The following SLC4A4 variants were observed in gnomAD, a reference collection of about 807,000 sequenced individuals.
SLC4A4 encodes electrogenic sodium bicarbonate cotransporter 1.
In SLC4A4, 27 loss-of-function variants were observed where a neutral mutation model predicts 111.5. That is an observed-to-expected ratio of 0.24 (90% CI 0.18 to 0.33). The LOEUF (loss-of-function observed/expected upper bound fraction) is 0.33. Among genes scored for constraint, SLC4A4 ranks in the 10% least tolerant of loss-of-function variants. SLC4A4 has a pLI of 1.00. For synonymous variants in SLC4A4, 443 were observed against 463.4 expected (o/e 0.96, Z 0.57); for missense variants, 909 against 1,315.5 (o/e 0.69, Z 4.78).
At chr4:71,388,764 T>A (rs866013516) in intron 6 of SLC4A4, among the ~76,000 whole-genome samples, 40 of 152,222 alleles carry the variant, frequency 2.6e-4, no homozygotes, top group Admixed American at 2.2e-3. Context: ...TTGCTCAGGG[T>A]GGTCTTGAAC....
intron 14 of SLC4A4, among the ~76,000 whole-genome samples, chr4:71,478,050 A>C (rs545069659): frequency 6.6e-6 from 1 of 152,044 alleles, no homozygotes; most frequent in Non-Finnish European, 1.5e-5. Context: ...AATGCAAATC[A>C]AAACCACAAT....
intron 3 of SLC4A4, among the ~76,000 whole-genome samples, chr4:71,272,725 G>C (rs778722999): frequency 1.1e-4 from 17 of 152,106 alleles, no homozygotes; most frequent in Non-Finnish European, 2.2e-4. Context: ...ACTTTGACAT[G>C]AAAAGTGTTC....
chr4:71,176,674 C>G (rs1745104847), intron 2 of SLC4A4, among the ~76,000 whole-genome samples: 2 of 152,138 alleles, frequency 1.3e-5, no homozygotes, highest in South Asian at 4.1e-4. Context: ...AAATATGGGA[C>G]TATGTGAAAA....
intron 2 of SLC4A4, among the ~76,000 whole-genome samples, chr4:71,125,083 C>CTAGCATA (rs1743525687): frequency 6.6e-6 from 1 of 152,004 alleles, no homozygotes; most frequent in Admixed American, 6.6e-5. Flanking sequence ...GGATTAGCTT[C>CTAGCATA]TAGCATATTG....
chr4:71,375,127 G>A (rs1458778377), intron 6 of SLC4A4, among the ~76,000 whole-genome samples: 1 of 152,088 alleles, frequency 6.6e-6, no homozygotes, highest in African/African-American at 2.4e-5. Context: ...TGATCCAGTA[G>A]CTTGTTTTCT....
At chr4:71,240,550 C>T (rs569215407) in intron 2 of SLC4A4, among the ~76,000 whole-genome samples, 2 of 152,180 alleles carry the variant, frequency 1.3e-5, no homozygotes, top group East Asian at 3.9e-4. Context: ...AAGTATGCAC[C>T]CATCTGTCCC....
At chr4:71,327,260 C>T (rs1727574669) in intron 3 of SLC4A4, among the ~76,000 whole-genome samples, 1 of 152,076 alleles carries the variant, frequency 6.6e-6, no homozygotes, top group Non-Finnish European at 1.5e-5. Flanking sequence ...CTGACTATTT[C>T]ATATGCCACT....
chr4:71,298,277 A>G (rs982874537), intron 3 of SLC4A4, among the ~76,000 whole-genome samples: 2 of 152,222 alleles, frequency 1.3e-5, no homozygotes, highest in Admixed American at 6.5e-5. Context: ...GTATATTTAT[A>G]TAAGGGTTAC....
At chr4:71,345,537 A>G (rs1729251986) in intron 4 of SLC4A4, among the ~76,000 whole-genome samples, 1 of 152,114 alleles carries the variant, frequency 6.6e-6, no homozygotes, top group African/African-American at 2.4e-5. Context: ...CAAGCCAACA[A>G]AGGAAAGGGG....
At position 71,481,318 on chromosome 4, in the gene SLC4A4, G is replaced by A. The variant is rs35937459; in HGVS notation, c.1904-5630G>A. On this transcript the variant is annotated intron_variant, in intron 14 of 25. Coordinates refer to ENST00000264485, the MANE Select transcript of SLC4A4 (RefSeq NM_001098484.3). ...CTTACACTTGACCTCACAGTCTCAC[G>A]TGAGTTTGTAGCTGTTCCTGATGGT... Among the ~76,000 whole-genome samples the A allele has an allele frequency of 1.6e-4, 24 of 151,792 alleles. No individual in the cohort carries two copies. The South Asian group carries it at 4.1e-3, about 26-fold the overall frequency.
intron 7 of SLC4A4, among the ~76,000 whole-genome samples, chr4:71,428,868 G>A (rs930012014): frequency 6.6e-6 from 1 of 151,984 alleles, no homozygotes; most frequent in Non-Finnish European, 1.5e-5. Flanking sequence ...AAAAGAACGA[G>A]AAAGTATACT....
At chr4:71,467,398 T>C (rs1727471497) in intron 13 of SLC4A4, among the ~76,000 whole-genome samples, 1 of 152,130 alleles carries the variant, frequency 6.6e-6, no homozygotes, top group South Asian at 2.1e-4. Context: ...CTAACATTTA[T>C]TGAGAGTTGA....
At chr4:71,216,975 C>G (rs1301063679) in intron 1 of SLC4A4, among the ~76,000 whole-genome samples, 1 of 152,230 alleles carries the variant, frequency 6.6e-6, no homozygotes, top group East Asian at 1.9e-4. Flanking sequence ...GTCCATTTTT[C>G]AGATGAGAAA....
intron 16 of SLC4A4, among the ~76,000 whole-genome samples, chr4:71,512,584 A>G (rs914906834): frequency 6.6e-6 from 1 of 152,108 alleles, no homozygotes; most frequent in Admixed American, 6.6e-5. Context: ...CTCATTCCAT[A>G]GGTTGTCTCT....
chr4:71,434,302 G>A (rs1369956483), intron 7 of SLC4A4: 1 of 151,874 alleles, frequency 6.6e-6, no homozygotes, highest in African/African-American at 2.4e-5. Flanking sequence ...TTTTTCTCAG[G>A]TAAAAAGTAT....
chr4:71,209,895 T>A (rs1466152271), intron 1 of SLC4A4, among the ~76,000 whole-genome samples: 2 of 152,208 alleles, frequency 1.3e-5, no homozygotes, highest in African/African-American at 4.8e-5. Context: ...ATTATTTTTA[T>A]TTGGTTGTAT....
chr4:71,079,804 C>T (rs935649297), intron 1 of SLC4A4, among the ~76,000 whole-genome samples: 9 of 151,256 alleles, frequency 6.0e-5, no homozygotes, highest in Non-Finnish European at 1.3e-4. Flanking sequence ...AAAGAAAATG[C>T]TATGATTTGC....
intron 3 of SLC4A4, among the ~76,000 whole-genome samples, chr4:71,258,724 G>A (rs1356199468): frequency 1.3e-5 from 2 of 152,162 alleles, no homozygotes; most frequent in South Asian, 4.2e-4. Flanking sequence ...TCCCTGCCCT[G>A]CCTTTCTCCC....
At chr4:71,330,723 A>C (rs1030286393) in intron 3 of SLC4A4, among the ~76,000 whole-genome samples, 55 of 152,330 alleles carry the variant, frequency 3.6e-4, no homozygotes, top group African/African-American at 1.2e-4. Context: ...CAAAAGCCAA[A>C]ATTGACAAAT....
Sources: allele counts gnomAD v4.1 joint callset (sites outside exome capture counted in the v4.1 genomes callset), GRCh38; gene constraint gnomAD v4.1.1; transcripts MANE v1.5; gene names NCBI Gene and HGNC (gene_info 2026-07-23, HGNC 2026-07-21).